ADAD2: variants seen among roughly 807,000 people sequenced by gnomAD.
ADAD2 encodes adenosine deaminase domain containing 2.
ADAD2 carries 60 observed loss-of-function variants against 54.5 expected under a neutral mutation model. The ratio of observed to expected loss-of-function variants is 1.10; its 90% CI spans 0.89 to 1.36. ADAD2 has a LOEUF of 1.36. Among genes scored for constraint, ADAD2 ranks in the 40% most tolerant of loss-of-function variants. The pLI is 0.00. For missense variants in ADAD2, 1,103 were observed against 801.3 expected, an observed-to-expected ratio of 1.38 and a Z score of -4.54; for synonymous variants, 543 against 366.2, an observed-to-expected ratio of 1.48 and a Z score of -5.51.
chr16:84,191,367 C>A lies in ADAD2; in HGVS notation c.137C>A (p.Ala46Glu), dbSNP rs778418150. Reference protein sequence around the residue: ...PAQAQSAWGPAPAPATYRAEG... With the variant: ...PAQAQSAWGPEPAPATYRAEG... ...CAGGCCCAAAGTGCCTGGGGGCCCG[C>A]GCCCGCGCCCGCGACGTATCGCGCG... The change falls in exon 1 of 10, where the codon GCG becomes GAG. Residue 46 changes from alanine (A) to glutamate (E), a missense_variant. Coordinates refer to ENST00000315906, the MANE Select transcript of ADAD2 (RefSeq NM_001145400.2). 1.0e-4 allele frequency: 154 copies of A among 1,524,000 alleles called. No homozygotes were observed. Among genetic ancestry groups the A allele is most frequent in the South Asian group, 4.5e-4 (37 of 82,414 alleles). 94.4% of individuals were successfully genotyped at this position (1,524,000 alleles called of 1,614,324 possible).
chr16:84,195,200 G>A lies in ADAD2; in HGVS notation c.733+6G>A, dbSNP rs1358745785. On this transcript the variant is annotated splice_donor_region_variant and intron_variant, in intron 4 of 9. Transcript: ENST00000315906. ...TGGAGTCATCCTGGAGAGGGGTAGG[G>A]ATCGCCCCAGCCCTGGCCCTGGCCC... 1.2e-6 allele frequency: 2 copies of A among 1,612,074 alleles called. No individual in the cohort carries two copies. The highest frequency in any genetic ancestry group is 2.7e-5 in the African/African-American group (2 of 74,934).
At position 84,194,742 on chromosome 16, in the gene ADAD2, C is replaced by T. The variant is rs1231989938; in HGVS notation, c.559+160C>T. 2.2e-5 allele frequency: 30 copies of T among 1,360,350 alleles called. No homozygotes were observed. The South Asian group carries it at 2.5e-4, about 11-fold the overall frequency. The allele number at this position is 1,360,350 out of a possible 1,614,324, so 84.3% of individuals were successfully genotyped here. On this transcript the variant is annotated intron_variant, in intron 2 of 9. Coordinates refer to ENST00000315906, the MANE Select transcript of ADAD2 (RefSeq NM_001145400.2). ...GGACGTCACCTGCAGGGAGCTGGGG[C>T]GGGGTACATGTGCCGGTCCCTGCTT... is the stretch of plus-strand genomic sequence containing the variant.
intron 8 of ADAD2, 45 bp from the exon 9 acceptor site, chr16:84,196,602 C>A: frequency 6.3e-7 from 1 of 1,599,524 alleles, no homozygotes. Flanking sequence ...CCTGCTGGTC[C>A]AGCTTGTATC....
At chr16:84,193,609 C>T (rs927988255) in intron 1 of ADAD2, 2 of 163,842 alleles carry the variant, frequency 1.2e-5, no homozygotes, top group African/African-American at 4.8e-5. Flanking sequence ...AATAAGTCAT[C>T]CAGGGGAGGC....
At chr16:84,194,291 G>A (rs903878449) in intron 1 of ADAD2, 151 bp from the exon 2 acceptor site, 1 of 1,549,374 alleles carries the variant, frequency 6.5e-7, no homozygotes, top group African/African-American at 1.4e-5. Context: ...GCGGCATGGG[G>A]TGGCGATGGA....
intron 1 of ADAD2, among the ~76,000 whole-genome samples, chr16:84,192,389 A>G (rs1004074560): frequency 3.3e-5 from 5 of 152,308 alleles, no homozygotes; most frequent in East Asian, 3.9e-4. Flanking sequence ...GGCTCCAGCT[A>G]TCTGACCTCC....
In ADAD2 at chr16:84,191,576, GCCGTGT is replaced by G; in HGVS notation, c.349_354del (p.Val117_Ser118del). 2 of 1,549,528 alleles carry G rather than the reference GCCGTGT, an allele frequency of 1.3e-6. No individual in the cohort carries two copies. The highest frequency in any genetic ancestry group is 1.7e-6 in the Non-Finnish European group (2 of 1,146,922). ...GCTCAAAGACCCACCTGCCAGCCAG[GCCGTGT>G]CCTTGCTCACGGAGTACGCGGCCAG... On this transcript the variant is annotated inframe_deletion, in exon 1 of 10. Transcript: ENST00000315906.
rs773161527 is a variant in ADAD2 at position 84,196,933 on chromosome 16, G to T, written c.1711G>T (p.Ala571Ser). 15 of 1,605,430 alleles carry T rather than the reference G, an allele frequency of 9.3e-6. No individual in the cohort carries two copies. In the African/African-American group the frequency reaches 1.9e-4, roughly 20 times the overall value. The change falls in exon 10 of 10, where the codon GCT becomes TCT. Residue 571 changes from alanine (A) to serine (S), a missense_variant. Coordinates refer to ENST00000315906, the MANE Select transcript of ADAD2 (RefSeq NM_001145400.2). ...SLLLDQQGLG[A>S]WPSKPLVGKF... ...CCTCCTGGACCAGCAGGGCCTGGGG[G>T]CTTGGCCCTCGAAGCCACTGGTGGG...
intron 2 of ADAD2, 133 bp from the exon 3 acceptor site, chr16:84,194,800 C>T (rs11864953): frequency 0.63 from 796,142 of 1,253,810 alleles, 255,194 homozygotes; most frequent in African/African-American, 0.79. Context: ...GGGTAGGGAC[C>T]GCTAGAAGAG....
rs772427252 is a variant in ADAD2 at position 84,191,305 on chromosome 16, C to A, written c.75C>A (p.Ile25=). The change falls in exon 1 of 10, where the codon ATC becomes ATA. Residue 25 remains isoleucine, a synonymous_variant. Coordinates refer to ENST00000315906, the MANE Select transcript of ADAD2 (RefSeq NM_001145400.2). ...RKPRLAASLQ[I]SPQPRPWRPL... is the part of the protein sequence containing the mutation. The stretch of plus-strand genomic sequence containing the variant: ...CCCGCCTGGCTGCATCGTTGCAGAT[C>A]AGCCCCCAGCCCCGCCCCTGGCGAC... The A allele has an allele frequency of 2.5e-6, 4 of 1,590,198 alleles. No homozygotes were observed. Among genetic ancestry groups the A allele is most frequent in the Non-Finnish European group, 3.4e-6 (4 of 1,167,370 alleles).
chr16:84,191,983 A>G, intron 1 of ADAD2: 1 of 451,004 alleles, frequency 2.2e-6, no homozygotes, highest in Non-Finnish European at 4.1e-6. Context: ...TTGCCGTGCT[A>G]GCATTGGAGA....
chr16:84,195,533 C>T lies in ADAD2; in HGVS notation c.888C>T (p.Phe296=). ...LVIARRALLR[F]LFRQLLLATQ... is the part of the protein sequence containing the mutation. ...ACCCTGTGCCTGTCGCTCCTAGGTTCTTGTTCCGGCAGCTCCTGCTGGCCA... is the reference window on the plus strand; with the variant it reads ...ACCCTGTGCCTGTCGCTCCTAGGTTTTTGTTCCGGCAGCTCCTGCTGGCCA... The change falls in exon 6 of 10, where the codon TTC becomes TTT. Residue 296 remains phenylalanine (F), a synonymous_variant. Transcript: ENST00000315906. 1 of 1,597,720 alleles carries T rather than the reference C, an allele frequency of 6.3e-7. No individual in the cohort carries two copies. The highest frequency in any genetic ancestry group is 8.5e-7 in the Non-Finnish European group (1 of 1,171,244).
Position 84,196,971 on chromosome 16 carries a change from C to T in ADAD2, c.1749C>T (p.Asn583=). The T allele has an allele frequency of 6.3e-7, 1 of 1,599,282 alleles. No homozygotes were observed. The highest frequency in any genetic ancestry group is 1.3e-5 in the African/African-American group (1 of 74,948). Residue 583 remains asparagine (N), a synonymous_variant, in exon 10 of 10, where the codon AAC becomes AAT. Coordinates refer to ENST00000315906, the MANE Select transcript of ADAD2 (RefSeq NM_001145400.2). ...AGCCACTGGTGGGCAAATTCAGAAACTGAAGCCAGCCTCGGCGGGACCGAG... is the reference window on the plus strand; with the variant it reads ...AGCCACTGGTGGGCAAATTCAGAAATTGAAGCCAGCCTCGGCGGGACCGAG... ...PSKPLVGKFR[N]
At chr16:84,196,434 G>T in intron 8 of ADAD2, 64 bp downstream of exon 8, 1 of 1,567,314 alleles carries the variant, frequency 6.4e-7, no homozygotes, top group Non-Finnish European at 8.6e-7. Flanking sequence ...TCATGCATGA[G>T]CTTCCTCACC....
chr16:84,196,121 C>A lies in ADAD2; in HGVS notation c.1283-6C>A, dbSNP rs1362081696. On this transcript the variant is annotated splice_region_variant and splice_polypyrimidine_tract_variant and intron_variant, in intron 7 of 9. Transcript: ENST00000315906. ...CTCACCTTGTCCTGTCCCTTCTGCC[C>A]TGCAGCTGACTCATGCCACGACCCT... 1 of 1,601,692 alleles carries A rather than the reference C, an allele frequency of 6.2e-7. No individual in the cohort carries two copies. The highest frequency in any genetic ancestry group is 2.2e-5 in the East Asian group (1 of 44,842).
intron 1 of ADAD2, chr16:84,194,202 C>G (rs1454453978): frequency 1.3e-6 from 2 of 1,571,262 alleles, no homozygotes; most frequent in East Asian, 2.3e-5. Context: ...AGTCACGCAT[C>G]CCTGCTGTGG....
chr16:84,196,655 T>C lies in ADAD2; in HGVS notation c.1535T>C (p.Leu512Pro). The change falls in exon 9 of 10, where the codon CTG becomes CCG. Residue 512 changes from leucine (L) to proline (P), a missense_variant. Transcript: ENST00000315906. The stretch of plus-strand genomic sequence containing the variant: ...ATCCTCTCTTCATCCAGTGCCGCCC[T>C]GGGGCCTCCCTCCCGTCTCTGCAAG... ...ATGRVKANAA[L>P]GPPSRLCKAS... The C allele has an allele frequency of 6.2e-7, 1 of 1,613,464 alleles. No individual in the cohort carries two copies. The highest frequency in any genetic ancestry group is 8.5e-7 in the Non-Finnish European group (1 of 1,179,938).
rs2089651660 is a variant in ADAD2, at chr16:84,191,447, GC to G, written c.219del (p.Gly74GlufsTer74). On this transcript the variant is annotated frameshift_variant, in exon 1 of 10. Coordinates refer to ENST00000315906, the MANE Select transcript of ADAD2 (RefSeq NM_001145400.2). LOFTEE classifies it high-confidence loss of function. Reference protein sequence around the residue: ...VLRDSGPGAGAGVGELGAARA... With the variant: ...VLRDSGPGAGXGVGELGAARA... ...GAGGGACAGTGGGCCTGGGGCAGGG[GC>G]CGGAGTCGGGGAACTGGGGGCAGCC... 23 of 1,523,568 alleles carry G rather than the reference GC, an allele frequency of 1.5e-5. No individual in the cohort carries two copies. Among genetic ancestry groups the G allele is most frequent in the Non-Finnish European group, 1.9e-5 (22 of 1,137,978 alleles). The allele number at this position is 1,523,568 out of a possible 1,614,324, so 94.4% of individuals were successfully genotyped here. A position where few individuals can be genotyped will look rare whatever the true frequency, so the allele number is the denominator to read the frequency against.
In ADAD2 at chr16:84,194,272, A is replaced by C. The variant is rs745464767; in HGVS notation, c.419-170A>C. On this transcript the variant is annotated intron_variant, in intron 1 of 9. Transcript: ENST00000315906. The stretch of plus-strand genomic sequence containing the variant: ...GGGTCACAGCCTGCAGAGGCACTCA[A>C]GGGTGTGCGCGGCATGGGGTGGCGA... The C allele has an allele frequency of 3.6e-5, 56 of 1,552,144 alleles. No individual in the cohort carries two copies. In the South Asian group the frequency reaches 6.0e-4, roughly 17 times the overall value.
Sources: allele counts gnomAD v4.1 joint callset (sites outside exome capture counted in the v4.1 genomes callset), GRCh38; gene constraint gnomAD v4.1.1; transcripts MANE v1.5; gene names NCBI Gene and HGNC (gene_info 2026-07-23, HGNC 2026-07-21).